Variants in CFHR2 observed in about 807,000 individuals in gnomAD.
The protein encoded by CFHR2 is complement factor H-related protein 2.
A neutral mutation model predicts 21.7 loss-of-function variants in CFHR2; 22 were observed. That is an observed-to-expected ratio of 1.01 (90% CI 0.72 to 1.45). The LOEUF is 1.45. Among genes scored for constraint, CFHR2 ranks in the 40% most tolerant of loss-of-function variants. The probability of loss-of-function intolerance (pLI) is 0.00; values close to 1 mark genes in which losing one functional copy is unlikely to be tolerated. For missense variants in CFHR2, 294 were observed against 293.3 expected, an observed-to-expected ratio of 1.00 and a Z score of -0.02; for synonymous variants, 98 against 97.4, an observed-to-expected ratio of 1.01 and a Z score of -0.04.
rs748497759 is a variant in CFHR2 at position 196,949,591 on chromosome 1, C to A, written c.195C>A (p.Ser65=). ...ATAATTTTGTGTCTCCTTCAAAATC[C>A]TTTTGGACTCGCATAACGTGCGCAG... ...CEYNFVSPSK[S]FWTRITCAEE... The change falls in exon 2 of 5, where the codon TCC becomes TCA. Residue 65 remains serine, a synonymous_variant. Coordinates refer to ENST00000367415, the MANE Select transcript of CFHR2 (RefSeq NM_005666.4). The A allele has an allele frequency of 5.9e-5, 96 of 1,613,948 alleles. No individual in the cohort carries two copies. The African/African-American group carries it at 6.4e-4, about 11-fold the overall frequency.
In CFHR2 at chr1:196,959,248, G is replaced by A. The variant is rs1653027703; in HGVS notation, c.*168G>A. The A allele has an allele frequency of 1.7e-6, 1 of 580,116 alleles. No individual in the cohort carries two copies. The highest frequency in any genetic ancestry group is 3.0e-6 in the Non-Finnish European group (1 of 333,486). 35.9% of individuals were successfully genotyped at this position (580,116 alleles called of 1,614,324 possible). A position where few individuals can be genotyped will look rare whatever the true frequency, so the allele number is the denominator to read the frequency against. On this transcript the variant is annotated 3_prime_UTR_variant, in exon 5 of 5. Transcript: ENST00000367415. ...ACAATCTGAGATGTGTCACAATGGT[G>A]AGGACTATCTTCACCAAATCTAAGT...
intron 3 of CFHR2, among the ~76,000 whole-genome samples, chr1:196,956,496 TTTG>T (rs776060445): frequency 1.3e-5 from 2 of 152,154 alleles, no homozygotes; most frequent in African/African-American, 4.8e-5. Flanking sequence ...CCTCTCCTTA[TTTG>T]TTGTTGTTTG....
rs568100629 is a variant in CFHR2 at position 196,949,336 on chromosome 1, A to G, written c.59-119A>G. On this transcript the variant is annotated intron_variant, in intron 1 of 4. Transcript: ENST00000367415. Reference sequence around the variant, plus strand: ...TAATTTGGACACTGGAGAGCATTTAAGCTAAAGGCATTTAAGCTAAATGAA... The same window carrying G: ...TAATTTGGACACTGGAGAGCATTTAGGCTAAAGGCATTTAAGCTAAATGAA... 683 of 968,834 alleles carry G rather than the reference A, an allele frequency of 7.0e-4. 1 individual carries two copies. Among genetic ancestry groups the G allele is most frequent in the Non-Finnish European group, 8.8e-4 (582 of 661,030 alleles). 60.0% of individuals were successfully genotyped at this position (968,834 alleles called of 1,614,324 possible). A position where few individuals can be genotyped will look rare whatever the true frequency, so the allele number is the denominator to read the frequency against.
chr1:196,948,016 T>C (rs1237152213), intron 1 of CFHR2, among the ~76,000 whole-genome samples: 1 of 152,156 alleles, frequency 6.6e-6, no homozygotes, highest in Admixed American at 6.6e-5. Flanking sequence ...TATATATGAA[T>C]GTGTACACAA....
At chr1:196,958,843 C>T in intron 4 of CFHR2, 38 bp from the exon 5 acceptor site, 1 of 1,319,828 alleles carries the variant, frequency 7.6e-7, no homozygotes, top group East Asian at 2.4e-5. Flanking sequence ...GATTTGCATA[C>T]TACTTAATGT....
chr1:196,951,149 C>A, intron 3 of CFHR2, 121 bp downstream of exon 3: 1 of 1,202,548 alleles, frequency 8.3e-7, no homozygotes, highest in South Asian at 1.6e-5. Flanking sequence ...TATCATTATT[C>A]ATTTGATTCT....
intron 3 of CFHR2, among the ~76,000 whole-genome samples, chr1:196,953,474 G>A (rs915890356): frequency 5.3e-5 from 8 of 152,042 alleles, no homozygotes; most frequent in Admixed American, 2.0e-4. Flanking sequence ...GTAGAGCCAG[G>A]GTTTCACCAA....
chr1:196,951,910 GT>G (rs1246636967), intron 3 of CFHR2, among the ~76,000 whole-genome samples: 1 of 151,992 alleles, frequency 6.6e-6, no homozygotes, highest in Non-Finnish European at 1.5e-5. Flanking sequence ...GGGGTTTCAA[GT>G]TTTTTTCATT....
chr1:196,958,957 T>C lies in CFHR2; in HGVS notation c.690T>C (p.Tyr230=). The C allele has an allele frequency of 6.2e-7, 1 of 1,608,432 alleles. No homozygotes were observed. The highest frequency in any genetic ancestry group is 8.5e-7 in the Non-Finnish European group (1 of 1,175,410). The change falls in exon 5 of 5, where the codon TAT becomes TAC. Residue 230 remains tyrosine (Y), a synonymous_variant. Coordinates refer to ENST00000367415, the MANE Select transcript of CFHR2 (RefSeq NM_005666.4). Reference sequence around the variant, plus strand: ...AGTGGACAAACCAACAAAAGCTTTATTCAAGAACAGGTGACATAGTTGAAT... The same window carrying C: ...AGTGGACAAACCAACAAAAGCTTTACTCAAGAACAGGTGACATAGTTGAAT... The part of the protein sequence containing the change: ...KLKWTNQQKL[Y]SRTGDIVEFV...
Position 196,950,976 on chromosome 1 carries a change from C to T in CFHR2, c.378C>T (p.Asn126=), listed in dbSNP as rs557194746. 2.1e-5 allele frequency: 34 copies of T among 1,614,100 alleles called. 1 individual carries two copies. In the South Asian group the frequency reaches 3.1e-4, roughly 15 times the overall value. Residue 126 remains asparagine (N), a synonymous_variant, in exon 3 of 5, where the codon AAC becomes AAT. Coordinates refer to ENST00000367415, the MANE Select transcript of CFHR2 (RefSeq NM_005666.4). ...TGYRLQNNEN[N]ISCVERGWST... ...ACAGACTTCAAAACAATGAGAACAA[C>T]ATTTCATGTGTAGAACGGGGCTGGT...
chr1:196,952,101 C>G (rs1417385539), intron 3 of CFHR2, among the ~76,000 whole-genome samples: 2 of 152,104 alleles, frequency 1.3e-5, no homozygotes, highest in East Asian at 3.9e-4. Flanking sequence ...TTATTCCACA[C>G]CTTTAATTCT....
At chr1:196,950,388 C>T (rs1659679944) in intron 2 of CFHR2, among the ~76,000 whole-genome samples, 1 of 152,094 alleles carries the variant, frequency 6.6e-6, no homozygotes, top group Non-Finnish European at 1.5e-5. Context: ...TATATAGTAG[C>T]AAGACTTAAC....
intron 3 of CFHR2, 127 bp from the exon 4 acceptor site, chr1:196,957,764 G>C: frequency 2.5e-6 from 2 of 799,786 alleles, no homozygotes; most frequent in Non-Finnish European, 3.9e-6. Flanking sequence ...ATTTTACTCC[G>C]GGAATCATTT....
At chr1:196,958,124 C>A (rs1180874000) in intron 4 of CFHR2, 51 bp downstream of exon 4, 1 of 1,538,830 alleles carries the variant, frequency 6.5e-7, no homozygotes, top group African/African-American at 1.4e-5. Context: ...TGTGATGAGT[C>A]TGATATTTCA....
chr1:196,958,336 T>C (rs1652978566), intron 4 of CFHR2, among the ~76,000 whole-genome samples: 1 of 151,984 alleles, frequency 6.6e-6, no homozygotes, highest in Non-Finnish European at 1.5e-5. Flanking sequence ...TATAAAGCAA[T>C]GATTACTATA....
At chr1:196,944,645 T>C (rs1659408321) in intron 1 of CFHR2, among the ~76,000 whole-genome samples, 1 of 152,022 alleles carries the variant, frequency 6.6e-6, no homozygotes, top group South Asian at 2.1e-4. Context: ...AGGTCTAGGA[T>C]ACTAATTAAA....
rs745979614 is a variant in CFHR2, at chr1:196,950,837, G to A, written c.254-15G>A. On this transcript the variant is annotated splice_polypyrimidine_tract_variant and intron_variant, in intron 2 of 4. Coordinates refer to ENST00000367415, the MANE Select transcript of CFHR2 (RefSeq NM_005666.4). The stretch of plus-strand genomic sequence containing the variant: ...CTACTTCCATCTTGTCTATTAATCT[G>A]TTTTTGGTCTTTAGGACTGTGTTTC... 6.2e-7 allele frequency: 1 copy of A among 1,612,382 alleles called. No individual in the cohort carries two copies. Among genetic ancestry groups the A allele is most frequent in the Non-Finnish European group, 8.5e-7 (1 of 1,179,624 alleles).
intron 3 of CFHR2, among the ~76,000 whole-genome samples, chr1:196,955,288 G>A (rs557998671): frequency 1.3e-5 from 2 of 152,070 alleles, no homozygotes; most frequent in Non-Finnish European, 2.9e-5. Context: ...ATCTAAGACC[G>A]CTTCAGCCTG....
At chr1:196,948,268 TTTTA>T in intron 1 of CFHR2, among the ~76,000 whole-genome samples, 1 of 150,468 alleles carries the variant, frequency 6.6e-6, no homozygotes, top group Middle Eastern at 3.5e-3. Flanking sequence ...AAACAATTTA[TTTTA>T]TTTTATTTTA....
Sources: allele counts gnomAD v4.1 joint callset (sites outside exome capture counted in the v4.1 genomes callset), GRCh38; gene constraint gnomAD v4.1.1; transcripts MANE v1.5; gene names NCBI Gene and HGNC (gene_info 2026-07-23, HGNC 2026-07-21).